The following JMY variants were observed in gnomAD, a reference collection of about 807,000 sequenced individuals.
JMY encodes junction mediating and regulatory protein, p53 cofactor, also known as junction-mediating and -regulatory protein.
In JMY, 46 loss-of-function variants were observed where a neutral mutation model predicts 103.3. That is an observed-to-expected ratio of 0.45 (90% CI 0.35 to 0.57). The LOEUF is 0.57. JMY is among the 20% of genes least tolerant of loss of function. The probability of loss-of-function intolerance (pLI) is 0.00; values close to 1 mark genes in which losing one functional copy is unlikely to be tolerated. For synonymous variants in JMY, 526 were observed against 489.3 expected, an observed-to-expected ratio of 1.07 and a Z score of -0.99; for missense variants, 1,238 against 1,255.2, an observed-to-expected ratio of 0.99 and a Z score of 0.21.
intron 1 of JMY, among the ~76,000 whole-genome samples, chr5:79,270,468 T>TATATATTTACATAAATATTTAAA (rs1561297693): frequency 1.4e-5 from 1 of 73,450 alleles, no homozygotes. Context: ...ATATTTAAAA[T>TATATATTTACATAAATATTTAAA]GTATATTTAC....
chr5:79,263,370 C>T (rs545134059), intron 1 of JMY, among the ~76,000 whole-genome samples: 4 of 152,172 alleles, frequency 2.6e-5, no homozygotes, highest in East Asian at 1.9e-4. Context: ...TGAATATGCA[C>T]GGTCTTTGTT....
In JMY at chr5:79,236,134, C is replaced by T. The variant is rs1744478079; in HGVS notation, c.-517C>T. 1 of 150,940 alleles carries T rather than the reference C, an allele frequency of 6.6e-6. No homozygotes were observed. Among genetic ancestry groups the T allele is most frequent in the African/African-American group, 2.4e-5 (1 of 41,256 alleles). The allele number at this position is 150,940 out of a possible 1,614,324, so 9.4% of individuals were successfully genotyped here. ...TCGTGGAGCCGCCGACGTCAGCAGTCGAATGGCAACATTGTGGCGATGCTG... is the reference window on the plus strand; with the variant it reads ...TCGTGGAGCCGCCGACGTCAGCAGTTGAATGGCAACATTGTGGCGATGCTG... On this transcript the variant is annotated 5_prime_UTR_variant, in exon 1 of 11. Transcript: ENST00000396137.
rs1179780396 is a variant in JMY at position 79,264,412 on chromosome 5, A to G, written c.1033-13498A>G. Among the ~76,000 whole-genome samples the G allele has an allele frequency of 4.0e-5, 6 of 148,952 alleles. No homozygotes were observed. In the East Asian group the frequency reaches 7.9e-4, roughly 20 times the overall value. ...ATAATTTTTAATTTTTTTTTTTTGT[A>G]GAGACATGGTCTCACTATGTTGCCC... is the stretch of plus-strand genomic sequence containing the variant. On this transcript the variant is annotated intron_variant, in intron 1 of 10. Coordinates refer to ENST00000396137, the MANE Select transcript of JMY (RefSeq NM_152405.5).
At chr5:79,282,200 C>G (rs4277898) in intron 2 of JMY, among the ~76,000 whole-genome samples, 8,534 of 151,876 alleles carry the variant, frequency 0.056, 542 homozygotes, top group African/African-American at 0.15. Context: ...GAGCGAGACA[C>G]TGTCTCAAAA....
intron 8 of JMY, 26 bp downstream of exon 8, chr5:79,312,524 T>C (rs1561314918): frequency 7.8e-7 from 1 of 1,285,086 alleles, no homozygotes; most frequent in Admixed American, 2.7e-5. Context: ...GTCCATTTAT[T>C]GTTTTTCTTT....
At chr5:79,285,854 C>T (rs1407095673) in intron 2 of JMY, among the ~76,000 whole-genome samples, 1 of 152,214 alleles carries the variant, frequency 6.6e-6, no homozygotes, top group Non-Finnish European at 1.5e-5. Context: ...TTCCCCCCTA[C>T]TGTGTTTCTT....
At chr5:79,274,456 G>A (rs748654508) in intron 1 of JMY, among the ~76,000 whole-genome samples, 4 of 151,780 alleles carry the variant, frequency 2.6e-5, no homozygotes, top group Non-Finnish European at 5.9e-5. Context: ...CACCCAGGCT[G>A]TAGTGCAGTG....
chr5:79,307,536 C>T (rs996591707), intron 7 of JMY, among the ~76,000 whole-genome samples: 3 of 152,108 alleles, frequency 2.0e-5, no homozygotes, highest in Admixed American at 6.6e-5. Flanking sequence ...TAGCCGCAAA[C>T]TCCTGGGCTC....
intron 1 of JMY, among the ~76,000 whole-genome samples, chr5:79,256,311 T>C (rs1221589040): frequency 6.6e-6 from 1 of 152,112 alleles, no homozygotes; most frequent in African/African-American, 2.4e-5. Context: ...GACTCACCTT[T>C]CAACCACCCT....
chr5:79,303,723 A>G (rs1254344117), intron 6 of JMY, among the ~76,000 whole-genome samples: 1 of 152,208 alleles, frequency 6.6e-6, no homozygotes, highest in East Asian at 1.9e-4. Flanking sequence ...ATTCCACACA[A>G]CAGGATGGTC....
At chr5:79,282,397 A>G (rs1259753219) in intron 2 of JMY, among the ~76,000 whole-genome samples, 4 of 152,188 alleles carry the variant, frequency 2.6e-5, no homozygotes, top group East Asian at 1.9e-4. Context: ...GTCAAAATCA[A>G]TCACAATTTA....
Position 79,248,134 on chromosome 5 carries a change from G to A in JMY, c.1032+10452G>A, listed in dbSNP as rs536552145. Among the ~76,000 whole-genome samples the A allele has an allele frequency of 7.9e-5, 12 of 151,060 alleles. No individual in the cohort carries two copies. In the East Asian group the frequency reaches 9.9e-4, roughly 12 times the overall value. ...TCTCAAACTCCTGACCTCATGATCC[G>A]CCCACCTCGGCCTCCCAAAGTGCTG... is the stretch of plus-strand genomic sequence containing the variant. On this transcript the variant is annotated intron_variant, in intron 1 of 10. Transcript: ENST00000396137.
At chr5:79,240,654 A>G (rs1744710286) in intron 1 of JMY, among the ~76,000 whole-genome samples, 1 of 152,226 alleles carries the variant, frequency 6.6e-6, no homozygotes, top group African/African-American at 2.4e-5. Flanking sequence ...AAATAGTTTC[A>G]GTAATAATGC....
intron 1 of JMY, among the ~76,000 whole-genome samples, chr5:79,258,311 G>GTTTTTTTTTTTT (rs1491360478): frequency 1.2e-5 from 1 of 81,812 alleles, no homozygotes; most frequent in Non-Finnish European, 3.1e-5. Flanking sequence ...TTTTGTTTTT[G>GTTTTTTTTTTTT]TTGTTTTTTT....
At chr5:79,260,876 G>A (rs1745400905) in intron 1 of JMY, among the ~76,000 whole-genome samples, 1 of 152,028 alleles carries the variant, frequency 6.6e-6, no homozygotes, top group Non-Finnish European at 1.5e-5. Flanking sequence ...TCTCAGTAGG[G>A]GAAACAGACC....
chr5:79,287,590 C>T (rs1006489935), intron 2 of JMY, among the ~76,000 whole-genome samples: 4 of 152,162 alleles, frequency 2.6e-5, no homozygotes, highest in Middle Eastern at 3.4e-3. Flanking sequence ...GGCTGCAGTG[C>T]GCTAATGATT....
At chr5:79,250,624 G>A (rs1355355946) in intron 1 of JMY, among the ~76,000 whole-genome samples, 1 of 142,808 alleles carries the variant, frequency 7.0e-6, no homozygotes, top group East Asian at 2.0e-4. Context: ...CTTGTGTTAG[G>A]TATTTTTTAA....
At chr5:79,272,184 T>G (rs968314676) in intron 1 of JMY, among the ~76,000 whole-genome samples, 3 of 152,144 alleles carry the variant, frequency 2.0e-5, no homozygotes, top group African/African-American at 7.2e-5. Flanking sequence ...ATCTACTCTT[T>G]GATATTAAAA....
rs550912739 is a variant in JMY at position 79,266,673 on chromosome 5, G to A, written c.1033-11237G>A. Among the ~76,000 whole-genome samples, 25 of 152,178 alleles carry A rather than the reference G, an allele frequency of 1.6e-4. No individual in the cohort carries two copies. The South Asian group carries it at 4.6e-3, about 28-fold the overall frequency. ...TTTCCTACTATACTGTTGAATACCA[G>A]AATTTATTCCTTCTAACTGTATTTT... On this transcript the variant is annotated intron_variant, in intron 1 of 10. Transcript: ENST00000396137.
Sources: allele counts gnomAD v4.1 joint callset (sites outside exome capture counted in the v4.1 genomes callset), GRCh38; gene constraint gnomAD v4.1.1; transcripts MANE v1.5; gene names NCBI Gene and HGNC (gene_info 2026-07-23, HGNC 2026-07-21).